NNT: variants seen among roughly 807,000 people sequenced by gnomAD.
NNT encodes the protein nicotinamide nucleotide transhydrogenase.
In NNT, 50 loss-of-function variants were observed where a neutral mutation model predicts 104.8. That is an observed-to-expected ratio of 0.48 (90% confidence interval 0.38 to 0.60). The LOEUF (loss-of-function observed/expected upper bound fraction) is 0.60. NNT is among the 20% of genes least tolerant of loss of function. The pLI, the probability that NNT is intolerant of heterozygous loss-of-function variation, is 0.00. For missense variants in NNT, 1,131 were observed against 1,330.7 expected, an observed-to-expected ratio of 0.85 and a Z score of 2.33; for synonymous variants, 461 against 490.4, an observed-to-expected ratio of 0.94 and a Z score of 0.79.
At position 43,706,703 on chromosome 5, in the gene NNT, A is replaced by G. The variant is rs886219341; in HGVS notation, c.*2299A>G. The G allele has an allele frequency of 6.6e-5, 10 of 152,246 alleles. No individual in the cohort carries two copies. The highest frequency in any genetic ancestry group is 1.9e-4 in the African/African-American group (8 of 41,458). 9.4% of individuals were successfully genotyped at this position (152,246 alleles called of 1,614,324 possible). On this transcript the variant is annotated 3_prime_UTR_variant, in exon 22 of 22. Coordinates refer to ENST00000344920, the MANE Select transcript of NNT (RefSeq NM_182977.3). Reference sequence around the variant, plus strand: ...TTATTGCAGCACTATTCACAATAGCAAAGACTTGGAACCAACCCAAATGTC... The same window carrying G: ...TTATTGCAGCACTATTCACAATAGCGAAGACTTGGAACCAACCCAAATGTC...
intron 6 of NNT, among the ~76,000 whole-genome samples, chr5:43,625,173 G>A (rs777670499): frequency 1.5e-4 from 23 of 152,020 alleles, no homozygotes; most frequent in Non-Finnish European, 1.3e-4. Flanking sequence ...ATAGAAAGCC[G>A]GTCGTTTAAG....
intron 19 of NNT, among the ~76,000 whole-genome samples, chr5:43,688,786 A>G (rs1181078929): frequency 6.6e-6 from 1 of 151,966 alleles, no homozygotes; most frequent in Non-Finnish European, 1.5e-5. Context: ...TTCTTTATCC[A>G]CTTATTGATT....
chr5:43,691,656 TGA>T (rs1742290914), intron 19 of NNT, among the ~76,000 whole-genome samples: 1 of 152,258 alleles, frequency 6.6e-6, no homozygotes. Context: ...GAAAATCAGC[TGA>T]TTAATAATGC....
chr5:43,639,337 T>A (rs1263775210), intron 7 of NNT, among the ~76,000 whole-genome samples: 2 of 152,166 alleles, frequency 1.3e-5, no homozygotes, highest in Admixed American at 6.6e-5. Context: ...TATGTGCATA[T>A]ATCAATAAAT....
chr5:43,646,102 T>C (rs1228071744), intron 10 of NNT, among the ~76,000 whole-genome samples: 1 of 152,010 alleles, frequency 6.6e-6, no homozygotes. Flanking sequence ...ACAGACTTGG[T>C]TTTTCAGCAA....
At chr5:43,697,571 G>A (rs1351026938) in intron 19 of NNT, among the ~76,000 whole-genome samples, 1 of 152,060 alleles carries the variant, frequency 6.6e-6, no homozygotes, top group Non-Finnish European at 1.5e-5. Context: ...TACTATATTA[G>A]TCCATTTTCA....
chr5:43,700,386 A>G (rs1027274149), intron 20 of NNT, 149 bp downstream of exon 20: 15 of 570,858 alleles, frequency 2.6e-5, no homozygotes, highest in Non-Finnish European at 3.7e-5. Flanking sequence ...GAAATTAAAT[A>G]AGTGAAATAT....
chr5:43,629,527 C>T (rs1750566438), intron 7 of NNT, among the ~76,000 whole-genome samples: 2 of 152,118 alleles, frequency 1.3e-5, no homozygotes, highest in South Asian at 4.1e-4. Context: ...GGTAGTTCTA[C>T]TTTAGTTCTT....
chr5:43,665,287 G>C, intron 17 of NNT, among the ~76,000 whole-genome samples: 1 of 151,082 alleles, frequency 6.6e-6, no homozygotes. Context: ...CGGAGAGGGG[G>C]ATTTGGCAGG....
intron 7 of NNT, among the ~76,000 whole-genome samples, chr5:43,631,288 T>A (rs78855243): frequency 0.066 from 10,028 of 152,070 alleles, 558 homozygotes; most frequent in African/African-American, 0.15. Flanking sequence ...CCCAGGATAG[T>A]GTTTGTGAAA....
chr5:43,653,245 A>G (rs1739861389), intron 14 of NNT, 32 bp downstream of exon 14: 1 of 1,560,718 alleles, frequency 6.4e-7, no homozygotes, highest in South Asian at 1.2e-5. Context: ...CCTTCATGTG[A>G]ACTCCAGTTT....
At chr5:43,626,351 A>T (rs1181124976) in intron 6 of NNT, among the ~76,000 whole-genome samples, 4 of 152,106 alleles carry the variant, frequency 2.6e-5, no homozygotes, top group African/African-American at 9.7e-5. Context: ...TGTCTTTTAT[A>T]AGGGGCTTGA....
intron 21 of NNT, 40 bp downstream of exon 21, chr5:43,702,776 G>A (rs763291644): frequency 7.0e-7 from 1 of 1,422,324 alleles, no homozygotes; most frequent in African/African-American, 1.4e-5. Context: ...ATAATCAAAG[G>A]TCACTTCAAA....
intron 19 of NNT, among the ~76,000 whole-genome samples, chr5:43,688,936 A>G (rs1194716498): frequency 6.6e-6 from 1 of 152,230 alleles, no homozygotes; most frequent in African/African-American, 2.4e-5. Context: ...ATCAAATGGT[A>G]GATCTACTTT....
chr5:43,659,096 G>A (rs1456611271), intron 16 of NNT, 75 bp from the exon 17 acceptor site: 1 of 1,385,096 alleles, frequency 7.2e-7, no homozygotes, highest in Non-Finnish European at 9.7e-7. Context: ...GAATAATTAA[G>A]GAGCAAAATG....
chr5:43,667,720 A>G (rs941738028), intron 17 of NNT, among the ~76,000 whole-genome samples: 3 of 152,232 alleles, frequency 2.0e-5, no homozygotes, highest in Non-Finnish European at 2.9e-5. Context: ...TAGTGCCGCA[A>G]TAAACATACG....
rs1249873899 is a variant in NNT at position 43,645,410 on chromosome 5, C to T, written c.1344C>T (p.Ala448=). Residue 448 remains alanine (A), a synonymous_variant, in exon 10 of 22, where the codon GCC becomes GCT. Transcript: ENST00000344920. ...APTPKNIPQG[A]PVKQKTVAEL... The stretch of plus-strand genomic sequence containing the variant: ...CACCGAAAAATATTCCTCAAGGTGC[C>T]CCAGTAAAACAGAAGACAGTGGCTG... 8.3e-6 allele frequency: 13 copies of T among 1,566,802 alleles called. No homozygotes were observed. Among genetic ancestry groups the T allele is most frequent in the Non-Finnish European group, 1.1e-5 (13 of 1,155,030 alleles).
chr5:43,675,088 G>C (rs1053518485), intron 17 of NNT, among the ~76,000 whole-genome samples: 3 of 152,114 alleles, frequency 2.0e-5, no homozygotes, highest in Admixed American at 2.0e-4. Context: ...GATCTTTACT[G>C]TTTTGATTCT....
rs879377777 is a variant in NNT at position 43,626,325 on chromosome 5, C to T, written c.777-1875C>T. Among the ~76,000 whole-genome samples, 16 of 152,226 alleles carry T rather than the reference C, an allele frequency of 1.1e-4. No homozygotes were observed. The East Asian group carries it at 1.2e-3, about 11-fold the overall frequency. On this transcript the variant is annotated intron_variant, in intron 6 of 21. Coordinates refer to ENST00000344920, the MANE Select transcript of NNT (RefSeq NM_182977.3). ...TATTTGGGAAGATGTATGTAGGCTA[C>T]GTGCAAATACTACACTGTCTTTTAT... is the stretch of plus-strand genomic sequence containing the variant.
Sources: allele counts gnomAD v4.1 joint callset (sites outside exome capture counted in the v4.1 genomes callset), GRCh38; gene constraint gnomAD v4.1.1; transcripts MANE v1.5; gene names NCBI Gene and HGNC (gene_info 2026-07-23, HGNC 2026-07-21).